The following ARFGEF2 variants were observed in gnomAD, a reference collection of about 807,000 sequenced individuals.
ARFGEF2 encodes ARF guanine nucleotide exchange factor 2.
ARFGEF2 carries 74 observed loss-of-function variants against 219.9 expected under a neutral mutation model. The ratio of observed to expected loss-of-function variants is 0.34; its 90% confidence interval spans 0.28 to 0.41. ARFGEF2 has a LOEUF of 0.41. ARFGEF2 is among the 10% of genes least tolerant of loss of function. The pLI is 1.00. For missense variants in ARFGEF2, 1,743 were observed against 2,218.3 expected (o/e 0.79, Z 4.30); for synonymous variants, 733 against 799.2 (o/e 0.92, Z 1.40).
At position 48,930,658 on chromosome 20, in the gene ARFGEF2, G is replaced by A. The variant is rs916837105; in HGVS notation, c.121+8648G>A. Among the ~76,000 whole-genome samples, 11 of 152,212 alleles carry A rather than the reference G, an allele frequency of 7.2e-5. 2 individuals carry two copies. Among genetic ancestry groups the A allele is most frequent in the Admixed American group, 7.2e-4 (11 of 15,276 alleles). On this transcript the variant is annotated intron_variant, in intron 1 of 38. Transcript: ENST00000371917. ...AGTTGATCTGAGTTGGGACTTGGAT[G>A]TGTGGAGTTTGGTCTGCCTTTGAGC...
At chr20:49,031,929 A>AT (rs2091637901) in intron 37 of ARFGEF2, 120 bp from the exon 38 acceptor site, 4 of 846,462 alleles carry the variant, frequency 4.7e-6, no homozygotes, top group Non-Finnish European at 7.9e-6. Context: ...AAAAAAAAAA[A>AT]GTAATTAAAA....
At position 49,031,759 on chromosome 20, in the gene ARFGEF2, C is replaced by A. The variant is rs373956698; in HGVS notation, c.5064-290C>A. Among the ~76,000 whole-genome samples, 10 of 151,464 alleles carry A rather than the reference C, an allele frequency of 6.6e-5. No individual in the cohort carries two copies. In the East Asian group the frequency reaches 9.7e-4, roughly 15 times the overall value. ...GTGAAACCCCATCTCTACTAAAAAT[C>A]AAAAAAATTAGCCAGGCATGGTGGC... On this transcript the variant is annotated intron_variant, in intron 37 of 38. Coordinates refer to ENST00000371917, the MANE Select transcript of ARFGEF2 (RefSeq NM_006420.3).
At chr20:48,972,244 G>C in intron 10 of ARFGEF2, 82 bp from the exon 11 acceptor site, 1 of 976,576 alleles carries the variant, frequency 1.0e-6, no homozygotes. Context: ...GCACGACTGG[G>C]TTGGCTGCTG....
At chr20:49,022,241 A>G (rs1191143906) in intron 34 of ARFGEF2, among the ~76,000 whole-genome samples, 1 of 152,048 alleles carries the variant, frequency 6.6e-6, no homozygotes, top group Non-Finnish European at 1.5e-5. Context: ...GGGATACAGA[A>G]GTAGAAAATG....
At chr20:48,945,632 G>C (rs963208149) in intron 3 of ARFGEF2, among the ~76,000 whole-genome samples, 6 of 152,156 alleles carry the variant, frequency 3.9e-5, no homozygotes, top group African/African-American at 1.4e-4. Flanking sequence ...GAGGCAGGAG[G>C]ATCACTTGAG....
chr20:49,024,298 G>C (rs1237691938), intron 35 of ARFGEF2, among the ~76,000 whole-genome samples: 3 of 152,142 alleles, frequency 2.0e-5, no homozygotes, highest in Non-Finnish European at 4.4e-5. Context: ...TGAAAACATA[G>C]AGAATTCAGT....
At chr20:48,992,142 A>G (rs2091360861) in intron 21 of ARFGEF2, among the ~76,000 whole-genome samples, 2 of 152,222 alleles carry the variant, frequency 1.3e-5, no homozygotes, top group Admixed American at 1.3e-4. Context: ...TTTAAAGACT[A>G]TTGTGGGAAA....
At chr20:48,974,255 G>A (rs919186103) in intron 12 of ARFGEF2, among the ~76,000 whole-genome samples, 1 of 150,464 alleles carries the variant, frequency 6.6e-6, no homozygotes, top group Non-Finnish European at 1.5e-5. Context: ...CCTCCTGAGT[G>A]GCAGGGATTA....
At chr20:48,959,378 A>G (rs1315541557) in intron 6 of ARFGEF2, among the ~76,000 whole-genome samples, 1 of 131,010 alleles carries the variant, frequency 7.6e-6, no homozygotes, top group Non-Finnish European at 1.6e-5. Flanking sequence ...GTGAGATGTC[A>G]TGATAAGTGA....
chr20:48,966,195 G>A (rs1437355222), intron 8 of ARFGEF2, among the ~76,000 whole-genome samples, 172 bp downstream of exon 8: 2 of 152,158 alleles, frequency 1.3e-5, no homozygotes, highest in Non-Finnish European at 2.9e-5. Flanking sequence ...TTCTTAGAAC[G>A]TGCTAATGTT....
At chr20:48,951,237 C>G in intron 3 of ARFGEF2, 86 bp from the exon 4 acceptor site, 1 of 1,526,408 alleles carries the variant, frequency 6.6e-7, no homozygotes. Flanking sequence ...ACTGGAAGTG[C>G]CTGTCTTTTG....
At chr20:49,032,007 A>G (rs1568748569) in intron 37 of ARFGEF2, 42 bp from the exon 38 acceptor site, 1 of 1,269,060 alleles carries the variant, frequency 7.9e-7, no homozygotes, top group Non-Finnish European at 1.2e-6. Flanking sequence ...GTGAGATGTT[A>G]ATCAATTGTT....
intron 1 of ARFGEF2, among the ~76,000 whole-genome samples, chr20:48,938,967 G>GTTTTTTTTTTTTT (rs199950635): frequency 2.1e-5 from 3 of 143,112 alleles, no homozygotes; most frequent in Non-Finnish European, 4.6e-5. Flanking sequence ...TGTTTTATGG[G>GTTTTTTTTTTTTT]TTTTTTTTGT....
chr20:49,019,468 T>C (rs985147445), intron 34 of ARFGEF2, among the ~76,000 whole-genome samples: 1 of 152,254 alleles, frequency 6.6e-6, no homozygotes, highest in Non-Finnish European at 1.5e-5. Context: ...CATGCATTTA[T>C]TGCTTAATTG....
At chr20:49,003,719 G>A (rs899138468) in intron 25 of ARFGEF2, among the ~76,000 whole-genome samples, 1 of 152,218 alleles carries the variant, frequency 6.6e-6, no homozygotes, top group Non-Finnish European at 1.5e-5. Flanking sequence ...GGCAGGGGGT[G>A]TGGGTGGGAA....
chr20:48,991,748 C>T (rs2059306174), intron 21 of ARFGEF2, among the ~76,000 whole-genome samples: 1 of 152,080 alleles, frequency 6.6e-6, no homozygotes, highest in African/African-American at 2.4e-5. Context: ...AGCTAGATGT[C>T]CCAACAATAT....
intron 25 of ARFGEF2, among the ~76,000 whole-genome samples, chr20:49,002,263 A>T (rs1321874904): frequency 6.6e-6 from 1 of 152,146 alleles, no homozygotes; most frequent in Non-Finnish European, 1.5e-5. Flanking sequence ...AAATAAGATT[A>T]AAAAAATAGA....
intron 4 of ARFGEF2, among the ~76,000 whole-genome samples, chr20:48,952,450 C>T (rs1056924393): frequency 6.6e-6 from 1 of 152,154 alleles, no homozygotes; most frequent in Non-Finnish European, 1.5e-5. Flanking sequence ...AGTAGAAAGC[C>T]TGCTTCAACA....
At chr20:49,012,128 AG>A (rs760194671) in intron 28 of ARFGEF2, 44 bp downstream of exon 28, 19 of 1,612,846 alleles carry the variant, frequency 1.2e-5, no homozygotes, top group Non-Finnish European at 1.4e-5. Context: ...TGAAGGGAAA[AG>A]GTCATGGAGC....
Sources: gnomAD v4.1 joint callset for allele counts (sites outside exome capture counted in the v4.1 genomes callset) on GRCh38, gnomAD v4.1.1 for gene constraint, MANE v1.5 for transcripts, NCBI Gene and HGNC (gene_info 2026-07-23, HGNC 2026-07-21) for gene names.